The following DISC1 variants were observed in gnomAD, a reference collection of about 807,000 sequenced individuals.
DISC1 encodes disrupted in schizophrenia 1 protein.
Under a neutral mutation model 84.5 loss-of-function variants are expected in DISC1, and 57 were observed. The observed-to-expected ratio is 0.67, with a 90% CI of 0.55 to 0.84. The LOEUF is 0.84. Among genes scored for constraint, DISC1 ranks in the 40% least tolerant of loss-of-function variants. The probability of loss-of-function intolerance (pLI) is 0.00; values close to 1 mark genes in which losing one functional copy is unlikely to be tolerated. For missense variants in DISC1, 1,000 were observed against 1,057.8 expected, an observed-to-expected ratio of 0.95 and a Z score of 0.76; for synonymous variants, 411 against 415.2, an observed-to-expected ratio of 0.99 and a Z score of 0.12.
intron 7 of DISC1, among the ~76,000 whole-genome samples, chr1:231,797,506 G>A (rs1183769334): frequency 1.3e-5 from 2 of 152,118 alleles, no homozygotes; most frequent in African/African-American, 4.8e-5. Context: ...GGCTGCAGAC[G>A]GTTGACTTCT....
At chr1:231,758,826 A>G (rs769110993) in intron 4 of DISC1, among the ~76,000 whole-genome samples, 8 of 152,142 alleles carry the variant, frequency 5.3e-5, no homozygotes, top group Non-Finnish European at 7.4e-5. Flanking sequence ...TTCTCTAACT[A>G]TACACCCCGT....
At chr1:231,643,952 T>A (rs1159165126) in intron 1 of DISC1, among the ~76,000 whole-genome samples, 1 of 152,164 alleles carries the variant, frequency 6.6e-6, no homozygotes, top group African/African-American at 2.4e-5. Flanking sequence ...TAAGAGGACA[T>A]CTTTTTATAT....
chr1:232,010,661 G>C (rs1049274514), intron 11 of DISC1, among the ~76,000 whole-genome samples: 9 of 152,142 alleles, frequency 5.9e-5, no homozygotes, highest in African/African-American at 2.2e-4. Context: ...TGACACAGGA[G>C]CCTGCAAAAA....
rs1015259291 is a variant in DISC1 at position 232,031,116 on chromosome 1, G to C, written c.2425+4564G>C. On this transcript the variant is annotated intron_variant, in intron 12 of 12. Coordinates refer to ENST00000439617, the MANE Select transcript of DISC1 (RefSeq NM_018662.3). The surrounding 1 kb of genome is among the most constrained non-coding windows in gnomAD (Gnocchi z 4.6). ...AAAGTAAGACACTGCCAAAGAAGGA[G>C]GGAGGGAAGGAAGGAAGGAAGGAGG... Among the ~76,000 whole-genome samples the C allele has an allele frequency of 6.6e-6, 1 of 150,384 alleles. No homozygotes were observed. The highest frequency in any genetic ancestry group is 1.5e-5 in the Non-Finnish European group (1 of 67,648).
intron 9 of DISC1, among the ~76,000 whole-genome samples, chr1:231,877,014 C>A (rs547170400): frequency 3.7e-4 from 56 of 152,318 alleles, no homozygotes; most frequent in Admixed American, 3.7e-3. Context: ...ATCCAAAGGG[C>A]CACTCTGGAG....
intron 3 of DISC1, among the ~76,000 whole-genome samples, chr1:231,747,219 T>C (rs535429467): frequency 1.1e-4 from 16 of 152,338 alleles, no homozygotes; most frequent in Admixed American, 2.6e-4. Flanking sequence ...GTGTGAGCCA[T>C]TGGGCCTGGC....
At chr1:231,759,522 T>G (rs2075432946) in intron 4 of DISC1, among the ~76,000 whole-genome samples, 1 of 41,902 alleles carries the variant, frequency 2.4e-5, no homozygotes, top group Non-Finnish European at 4.2e-5. Flanking sequence ...GACCCCCATC[T>G]CTACAAAAAA....
chr1:231,862,849 G>C (rs1413475749), intron 9 of DISC1, among the ~76,000 whole-genome samples: 3 of 152,218 alleles, frequency 2.0e-5, no homozygotes, highest in Non-Finnish European at 4.4e-5. Flanking sequence ...GATTTCGTGT[G>C]TCAGGCACAG....
At chr1:231,830,741 G>A (rs2082162666) in intron 9 of DISC1, among the ~76,000 whole-genome samples, 1 of 152,180 alleles carries the variant, frequency 6.6e-6, no homozygotes, top group African/African-American at 2.4e-5. Flanking sequence ...GAGCTCAAAT[G>A]GGCTGTACCC....
chr1:231,685,906 A>T (rs2064214162), intron 1 of DISC1, among the ~76,000 whole-genome samples: 1 of 152,204 alleles, frequency 6.6e-6, no homozygotes, highest in Admixed American at 6.5e-5. Context: ...CAGCTGTTCC[A>T]AATAGGAGAA....
rs201023104 is a variant in DISC1 at position 231,997,705 on chromosome 1, A to G, written c.2043-11080A>G. On this transcript the variant is annotated intron_variant, in intron 10 of 12. Transcript: ENST00000439617. ...GTTCCCCAAGGGGTAGGTAATTACA[A>G]TTGAGGGAGACTATATTTCTGGGAG... 3.6e-4 allele frequency among the ~76,000 whole-genome samples: 55 copies of G among 152,160 alleles called. No homozygotes were observed. The East Asian group carries it at 5.6e-3, about 16-fold the overall frequency.
At chr1:231,786,147 C>G (rs1005163727) in intron 6 of DISC1, among the ~76,000 whole-genome samples, 13 of 151,928 alleles carry the variant, frequency 8.6e-5, no homozygotes, top group African/African-American at 3.1e-4. Context: ...TTTATAAAAC[C>G]TTTGTGTTTT....
intron 9 of DISC1, among the ~76,000 whole-genome samples, chr1:231,926,846 C>T (rs2090385367): frequency 6.6e-6 from 1 of 152,192 alleles, no homozygotes. Flanking sequence ...TTCTCATGCT[C>T]CCTTTGTGAC....
chr1:231,685,955 C>T (rs145736121), intron 1 of DISC1, among the ~76,000 whole-genome samples: 130 of 152,292 alleles, frequency 8.5e-4, no homozygotes, highest in Non-Finnish European at 1.5e-3. Flanking sequence ...CCATGCAAGT[C>T]CAAAATCCAG....
chr1:231,765,195 CAAAAAAAAAAAAA>C (rs71179793), intron 4 of DISC1, among the ~76,000 whole-genome samples: 2 of 93,302 alleles, frequency 2.1e-5, no homozygotes, highest in African/African-American at 8.9e-5. Context: ...GTCCACCCTA[CAAAAAAAAAAAAA>C]AAAAAAAAAA....
At chr1:231,793,457 G>A (rs539067124) in intron 6 of DISC1, among the ~76,000 whole-genome samples, 2 of 152,308 alleles carry the variant, frequency 1.3e-5, no homozygotes, top group South Asian at 2.1e-4. Flanking sequence ...GTTCATGAAT[G>A]CATGAAAGAG....
Sources: allele counts gnomAD v4.1 joint callset (sites outside exome capture counted in the v4.1 genomes callset), GRCh38; gene constraint gnomAD v4.1.1; non-coding constraint Gnocchi (gnomAD v3.1); transcripts MANE v1.5; gene names NCBI Gene and HGNC (gene_info 2026-07-23, HGNC 2026-07-21).